The following ATG16L2 variants were observed in gnomAD, a reference collection of about 807,000 sequenced individuals.
ATG16L2 encodes autophagy related 16 like 2.
ATG16L2 carries 77 observed loss-of-function variants against 84.7 expected under a neutral mutation model. The ratio of observed to expected loss-of-function variants is 0.91; its 90% CI spans 0.76 to 1.10. ATG16L2 has a LOEUF of 1.10. Among genes scored for constraint, ATG16L2 ranks in the 50% least tolerant of loss-of-function variants. The pLI, the probability that ATG16L2 is intolerant of heterozygous loss-of-function variation, is 0.00. For missense variants in ATG16L2, 782 were observed against 817.6 expected (o/e 0.96, Z 0.53); for synonymous variants, 361 against 342.8 (o/e 1.05, Z -0.59).
Position 72,828,398 on chromosome 11 carries a change from G to T in ATG16L2, c.1512G>T (p.Arg504=). 1.2e-6 allele frequency: 2 copies of T among 1,614,152 alleles called. No individual in the cohort carries two copies. The highest frequency in any genetic ancestry group is 1.7e-6 in the Non-Finnish European group (2 of 1,180,028). The part of the protein sequence containing the change: ...HCTQVIPVQG[R]VTSLSLSHDQ... ...CCCAGGTCATCCCTGTGCAGGGCCGGGTCACCTCCCTGAGCCTCAGCCACG... is the reference window on the plus strand; with the variant it reads ...CCCAGGTCATCCCTGTGCAGGGCCGTGTCACCTCCCTGAGCCTCAGCCACG... Residue 504 remains arginine (R), a synonymous_variant, in exon 15 of 18, where the codon CGG becomes CGT. Transcript: ENST00000321297.
downstream of ATG16L2, among the ~76,000 whole-genome samples, chr11:72,831,216 T>G (rs1031863374): frequency 2.6e-5 from 4 of 152,222 alleles, no homozygotes; most frequent in Admixed American, 1.3e-4. Flanking sequence ...GGTTAAATTC[T>G]CTTATTCAGG....
chr11:72,832,482 G>C (rs1478314671), downstream of ATG16L2, among the ~76,000 whole-genome samples: 1 of 152,186 alleles, frequency 6.6e-6, no homozygotes, highest in Non-Finnish European at 1.5e-5. Flanking sequence ...CACAGACTGA[G>C]CAGAGGAGTT....
At position 72,822,217 on chromosome 11, in the gene ATG16L2, G is replaced by A; in HGVS notation, c.566G>A (p.Arg189His). ...AALRRLQEEA[R>H]DLLERLVQRK... ...CTGCGCAGGCTCCAGGAAGAGGCGC[G>A]CGACCTGCTGGAGAGGCTCGTGCAG... The change falls in exon 5 of 18, where the codon CGC (arginine) becomes CAC (histidine). Residue 189 changes from arginine to histidine, a missense_variant. Physicochemically the swap from Arg to His is conservative, Grantham distance 29. Transcript: ENST00000321297. The surrounding 1 kb of genome is among the most constrained non-coding windows in gnomAD (Gnocchi z 4.2). 6.6e-7 allele frequency: 1 copy of A among 1,505,248 alleles called. No individual in the cohort carries two copies. Among genetic ancestry groups the A allele is most frequent in the Admixed American group, 2.2e-5 (1 of 44,778 alleles). 93.2% of individuals were successfully genotyped at this position (1,505,248 alleles called of 1,614,324 possible).
Position 72,821,751 on chromosome 11 carries a change from G to C in ATG16L2, c.392+10G>C. ...AGCAGAGGCAAAGCAGGTGAGGCGC[G>C]GGCGGGGGCGGGAGGGACCGCGCCC... On this transcript the variant is annotated intron_variant, in intron 4 of 17. Coordinates refer to ENST00000321297, the MANE Select transcript of ATG16L2 (RefSeq NM_033388.2). 4 of 1,534,690 alleles carry C rather than the reference G, an allele frequency of 2.6e-6. No homozygotes were observed. The highest frequency in any genetic ancestry group is 3.5e-6 in the Non-Finnish European group (4 of 1,145,700).
intron 5 of ATG16L2, chr11:72,841,635 C>G: frequency 6.6e-7 from 1 of 1,519,266 alleles, no homozygotes; most frequent in Non-Finnish European, 8.8e-7. Context: ...GGAAGGAGAG[C>G]CTGGCTGCTT....
At chr11:72,819,047 C>T (rs1181408000) in intron 3 of ATG16L2, 1 of 152,184 alleles carries the variant, frequency 6.6e-6, no homozygotes, top group Non-Finnish European at 1.5e-5. Context: ...CCTGGGATGT[C>T]TTCGTTTGCC....
At chr11:72,840,550 A>G (rs527897973) in intron 5 of ATG16L2, among the ~76,000 whole-genome samples, 1 of 152,340 alleles carries the variant, frequency 6.6e-6, no homozygotes, top group Admixed American at 6.5e-5. Flanking sequence ...AGAGGCCTGG[A>G]AAATTAAATG....
At chr11:72,839,347 G>A (rs1860833380) in intron 5 of ATG16L2, among the ~76,000 whole-genome samples, 1 of 152,158 alleles carries the variant, frequency 6.6e-6, no homozygotes, top group Admixed American at 6.5e-5. Flanking sequence ...GTAGGCAAAA[G>A]AGGAGTTTTT....
downstream of ATG16L2, among the ~76,000 whole-genome samples, chr11:72,834,042 A>G (rs1292251823): frequency 6.6e-6 from 1 of 151,926 alleles, no homozygotes; most frequent in Non-Finnish European, 1.5e-5. Flanking sequence ...TAGGAACAAG[A>G]TGCTCTTTGG....
Position 72,826,181 on chromosome 11 carries a change from G to A in ATG16L2, c.1111G>A (p.Glu371Lys). The A allele has an allele frequency of 6.2e-7, 1 of 1,613,270 alleles. No individual in the cohort carries two copies. Among genetic ancestry groups the A allele is most frequent in the Non-Finnish European group, 8.5e-7 (1 of 1,179,444 alleles). The change falls in exon 11 of 18, where the codon GAG becomes AAG. Residue 371 changes from glutamate to lysine, a missense_variant. Glu to Lys is a moderately conservative substitution (Grantham distance 56, BLOSUM62 1). Coordinates refer to ENST00000321297, the MANE Select transcript of ATG16L2 (RefSeq NM_033388.2). ...HLWNVVGSRL[E>K]ANQTLEGAGG... ...TCCCCTGGTCCTCCCAGGTCGCCTG[G>A]AGGCCAACCAGACCCTGGAGGGAGC...
At chr11:72,840,274 A>G (rs1860875768) in intron 5 of ATG16L2, among the ~76,000 whole-genome samples, 1 of 152,228 alleles carries the variant, frequency 6.6e-6, no homozygotes, top group Non-Finnish European at 1.5e-5. Flanking sequence ...TATTTGCTGA[A>G]TGAATGAAGC....
chr11:72,836,265 C>T (rs118051917), intron 5 of ATG16L2, among the ~76,000 whole-genome samples: 407 of 152,276 alleles, frequency 2.7e-3, no homozygotes, highest in Non-Finnish European at 5.0e-3. Flanking sequence ...CCCCTGGGAC[C>T]GAGAAAATCT....
At chr11:72,836,612 G>A (rs1860736009) in intron 5 of ATG16L2, 1 of 152,436 alleles carries the variant, frequency 6.6e-6, no homozygotes, top group Non-Finnish European at 1.5e-5. Flanking sequence ...CTCATAGATG[G>A]ATTAATTTAC....
At chr11:72,831,826 G>A (rs1195047708), downstream of ATG16L2, among the ~76,000 whole-genome samples, 2 of 152,212 alleles carry the variant, frequency 1.3e-5, no homozygotes, top group Admixed American at 1.3e-4. Context: ...TTTCCCAGGT[G>A]AGAAAACTGA....
At chr11:72,833,794 A>T (rs1364244177), downstream of ATG16L2, among the ~76,000 whole-genome samples, 3 of 152,144 alleles carry the variant, frequency 2.0e-5, no homozygotes, top group East Asian at 5.8e-4. Flanking sequence ...GTGGTGGCAC[A>T]TGCCTGTAAT....
At chr11:72,821,140 A>C (rs1275357330) in intron 3 of ATG16L2, 1 of 840,952 alleles carries the variant, frequency 1.2e-6, no homozygotes, top group African/African-American at 1.8e-5. Context: ...CAAATCTCTT[A>C]GCTACGTGAC....
intron 3 of ATG16L2, among the ~76,000 whole-genome samples, chr11:72,819,768 C>T (rs528913420): frequency 4.0e-5 from 6 of 151,334 alleles, no homozygotes; most frequent in Middle Eastern, 3.4e-3. Context: ...TTTTTTGAGA[C>T]GGAGTCTCAC....
At chr11:72,815,130 T>C (rs1404170763) in intron 1 of ATG16L2, among the ~76,000 whole-genome samples, 1 of 152,210 alleles carries the variant, frequency 6.6e-6, no homozygotes, top group Non-Finnish European at 1.5e-5. Context: ...GGGCTGCTGG[T>C]GGATGCTGGC....
At chr11:72,830,707 C>A (rs1191751144), downstream of ATG16L2, among the ~76,000 whole-genome samples, 3 of 152,218 alleles carry the variant, frequency 2.0e-5, no homozygotes, top group Non-Finnish European at 2.9e-5. Flanking sequence ...CCTTCAGAGA[C>A]CACCCGCAAC....
Sources: gnomAD v4.1 joint callset for allele counts (sites outside exome capture counted in the v4.1 genomes callset) on GRCh38, gnomAD v4.1.1 for gene constraint, Gnocchi (gnomAD v3.1) non-coding constraint, MANE v1.5 for transcripts, NCBI Gene and HGNC (gene_info 2026-07-23, HGNC 2026-07-21) for gene names.